HENMT1: variants seen among roughly 807,000 people sequenced by gnomAD.
The protein encoded by HENMT1 is small RNA 2'-O-methyltransferase.
In HENMT1, 27 loss-of-function variants were observed where a neutral mutation model predicts 31.1. The observed-to-expected ratio is 0.87, with a 90% CI of 0.64 to 1.20. The LOEUF (loss-of-function observed/expected upper bound fraction) is 1.20, where lower values mean the gene tolerates loss of function less well. Among genes scored for constraint, HENMT1 ranks in the 50% most tolerant of loss-of-function variants. The probability of loss-of-function intolerance (pLI) is 0.00; values close to 1 mark genes in which losing one functional copy is unlikely to be tolerated. For synonymous variants in HENMT1, 167 were observed against 172.2 expected (o/e 0.97, Z 0.24); for missense variants, 438 against 469.6 (o/e 0.93, Z 0.62).
chr1:108,659,141 A>T (rs1479676283), intron 2 of HENMT1, among the ~76,000 whole-genome samples: 1 of 152,224 alleles, frequency 6.6e-6, no homozygotes, highest in Non-Finnish European at 1.5e-5. Context: ...CAAAACCTTC[A>T]TCAGAAATAC....
rs530987183 is a variant in HENMT1 at position 108,652,764 on chromosome 1, G to A, written c.399-1555C>T. ...TCAAGACCAGCCTGGCCAATAGGGT[G>A]AAACCCCATCTCTACTAAAAATACA... On this transcript the variant is annotated intron_variant, in intron 5 of 7. Transcript: ENST00000651461. Among the ~76,000 whole-genome samples, 59 of 152,154 alleles carry A rather than the reference G, an allele frequency of 3.9e-4. 1 individual carries two copies. The South Asian group carries it at 7.7e-3, about 20-fold the overall frequency.
chr1:108,651,092 T>C lies in HENMT1; in HGVS notation c.516A>G (p.Pro172=). The change falls in exon 6 of 8, where the codon CCA becomes CCG. Residue 172 remains proline (P), a synonymous_variant. Coordinates refer to ENST00000651461, the MANE Select transcript of HENMT1 (RefSeq NM_001102592.2). The part of the protein sequence containing the change: ...TPNSEFNPLF[P]SVTLRDSDHK... ...GATCTGAATCTCTTAAGGTCACTGA[T>C]GGAAACAGGGGATTGAATTCAGAGT... The C allele has an allele frequency of 1.9e-6, 3 of 1,614,058 alleles. No homozygotes were observed. The highest frequency in any genetic ancestry group is 2.5e-6 in the Non-Finnish European group (3 of 1,179,904).
chr1:108,660,745 A>C (rs1220208604), intron 1 of HENMT1, among the ~76,000 whole-genome samples: 1 of 151,856 alleles, frequency 6.6e-6, no homozygotes, highest in Non-Finnish European at 1.5e-5. Flanking sequence ...TAAAACGGTG[A>C]AACCCCGTCT....
At position 108,657,542 on chromosome 1, in the gene HENMT1, G is replaced by A. The variant is rs985573606; in HGVS notation, c.59C>T (p.Pro20Leu). The change falls in exon 3 of 8, where the codon CCC (proline) becomes CTC (leucine). Residue 20 changes from proline (P) to leucine (L), a missense_variant. Pro to Leu is a moderately conservative substitution (Grantham distance 98). Transcript: ENST00000651461. ...TTTAAACTGAATTGCCGTCTCCCTG[G>A]GAACTTCTTCAAAATTACCGTCAAC... ...SVVDGNFEEV[P>L]RETAIQFKPP... 19 of 1,613,182 alleles carry A rather than the reference G, an allele frequency of 1.2e-5. No homozygotes were observed. The highest frequency in any genetic ancestry group is 1.4e-5 in the Non-Finnish European group (16 of 1,179,606).
rs1385491328 is a variant in HENMT1, at chr1:108,659,900, T to C, written c.-16A>G. ...TTTCTTCCATTTTGTTTCGAAGTTT[T>C]GTTGAAACAAAAATGAAGATTTATC... is the stretch of plus-strand genomic sequence containing the variant. On this transcript the variant is annotated 5_prime_UTR_variant, in exon 2 of 8. Coordinates refer to ENST00000651461, the MANE Select transcript of HENMT1 (RefSeq NM_001102592.2). The C allele has an allele frequency of 2.5e-6, 4 of 1,600,146 alleles. No homozygotes were observed. The highest frequency in any genetic ancestry group is 1.7e-5 in the Admixed American group (1 of 57,582).
chr1:108,652,687 G>GT (rs1222670997), intron 5 of HENMT1, among the ~76,000 whole-genome samples: 3 of 152,158 alleles, frequency 2.0e-5, no homozygotes, highest in South Asian at 2.1e-4. Context: ...GCTCACGCCT[G>GT]TAATACCAGC....
intron 6 of HENMT1, 70 bp downstream of exon 6, chr1:108,650,960 T>A: frequency 9.3e-7 from 1 of 1,072,664 alleles, no homozygotes; most frequent in Non-Finnish European, 1.4e-6. Flanking sequence ...TGTATGTATA[T>A]CAATATTTAT....
chr1:108,655,680 C>T lies in HENMT1; in HGVS notation c.169G>A (p.Gly57Ser), dbSNP rs1419338597. 12 of 1,610,238 alleles carry T rather than the reference C, an allele frequency of 7.5e-6. No individual in the cohort carries two copies. The highest frequency in any genetic ancestry group is 1.3e-5 in the African/African-American group (1 of 74,834). Residue 57 changes from glycine (G) to serine (S), a missense_variant, in exon 4 of 8, where the codon GGT becomes AGT. Gly to Ser is a moderately conservative substitution (Grantham distance 56). Transcript: ENST00000651461. Reference protein sequence around the residue: ...EPKKVADLGCGDTSLLRLLKV... With the variant: ...EPKKVADLGCSDTSLLRLLKV... The stretch of plus-strand genomic sequence containing the variant: ...AGCAGCCTTAAGAGTGAAGTATCAC[C>T]ACATCCCAGGTCTGCAACCTGTAGA...
intron 3 of HENMT1, 124 bp from the exon 4 acceptor site, chr1:108,655,822 G>T: frequency 3.9e-4 from 122 of 313,900 alleles, no homozygotes; most frequent in Middle Eastern, 7.9e-4. Flanking sequence ...AGTATTATAT[G>T]GAAGGATCTT....
chr1:108,650,462 C>A, intron 6 of HENMT1, 74 bp from the exon 7 acceptor site: 2 of 1,335,936 alleles, frequency 1.5e-6, no homozygotes, highest in South Asian at 2.7e-5. Flanking sequence ...CATTTCTGGT[C>A]AGCAGTAAAA....
chr1:108,658,481 G>A (rs1658335380), intron 2 of HENMT1, among the ~76,000 whole-genome samples: 1 of 152,152 alleles, frequency 6.6e-6, no homozygotes, highest in African/African-American at 2.4e-5. Context: ...CGCCCAGGCT[G>A]GTTTAAAATT....
intron 1 of HENMT1, 25 bp from the exon 2 acceptor site, chr1:108,659,987 TG>T: frequency 7.7e-7 from 1 of 1,303,344 alleles, no homozygotes; most frequent in South Asian, 1.5e-5. Context: ...AAACCGTTTT[TG>T]TAAAGCGATA....
intron 1 of HENMT1, 65 bp from the exon 2 acceptor site, chr1:108,660,027 A>C (rs1209290948): frequency 2.5e-6 from 2 of 803,956 alleles, no homozygotes; most frequent in African/African-American, 3.7e-5. Context: ...CTAGTTCAGA[A>C]GGGAAGAACG....
Position 108,660,962 on chromosome 1 carries a change from C to T in HENMT1, c.-79+1G>A, listed in dbSNP as rs530313732. The T allele has an allele frequency of 1.1e-4, 112 of 984,150 alleles. 1 individual carries two copies. In the South Asian group the frequency reaches 4.8e-3, roughly 43 times the overall value. The allele number at this position is 984,150 out of a possible 1,614,324, so 61.0% of individuals were successfully genotyped here. The stretch of plus-strand genomic sequence containing the variant: ...GAAAAAGAAAAAGAAACCCTGCTCA[C>T]TGAAACCAACGCTTCTGTCTTTGTA... On this transcript the variant is annotated splice_donor_variant, in intron 1 of 7. Transcript: ENST00000651461. LOFTEE classifies it low-confidence loss of function (5UTR_SPLICE).
At chr1:108,652,279 T>C (rs555352214) in intron 5 of HENMT1, among the ~76,000 whole-genome samples, 3 of 152,360 alleles carry the variant, frequency 2.0e-5, no homozygotes, top group Non-Finnish European at 4.4e-5. Context: ...TAGAATTACA[T>C]GGTTATGGTA....
At chr1:108,650,862 T>G (rs1310274406) in intron 6 of HENMT1, among the ~76,000 whole-genome samples, 168 bp downstream of exon 6, 3 of 152,202 alleles carry the variant, frequency 2.0e-5, no homozygotes, top group African/African-American at 7.2e-5. Flanking sequence ...CTTGCCCAAA[T>G]GCAATGGTTC....
At chr1:108,652,376 T>TA (rs925287603) in intron 5 of HENMT1, among the ~76,000 whole-genome samples, 3 of 152,040 alleles carry the variant, frequency 2.0e-5, no homozygotes, top group Admixed American at 6.5e-5. Context: ...ATGGTTCAGA[T>TA]AAAAAATACA....
chr1:108,658,858 T>C (rs1384549050), intron 2 of HENMT1, among the ~76,000 whole-genome samples: 2 of 152,222 alleles, frequency 1.3e-5, no homozygotes, highest in Non-Finnish European at 2.9e-5. Flanking sequence ...TAATCTGTAA[T>C]AGCTGTTACT....
At chr1:108,654,147 T>G (rs1240408470) in intron 5 of HENMT1, among the ~76,000 whole-genome samples, 1 of 152,208 alleles carries the variant, frequency 6.6e-6, no homozygotes, top group East Asian at 1.9e-4. Context: ...GGTGTCCTTT[T>G]GCCAATGTAT....
Sources: gnomAD v4.1 joint callset for allele counts (sites outside exome capture counted in the v4.1 genomes callset) on GRCh38, gnomAD v4.1.1 for gene constraint, MANE v1.5 for transcripts, NCBI Gene and HGNC (gene_info 2026-07-23, HGNC 2026-07-21) for gene names.